The following BMAL1 variants were observed in gnomAD, a reference collection of about 807,000 sequenced individuals.
BMAL1 encodes the protein basic helix-loop-helix ARNT like 1.
the BMAL1 span, among the ~76,000 whole-genome samples, chr11:13,382,564 T>G: frequency 6.6e-6 from 1 of 151,716 alleles, no homozygotes; most frequent in African/African-American, 2.4e-5. Context: ...GCTGTTCTTC[T>G]GTTATACCTC....
the BMAL1 span, chr11:13,378,540 T>C: frequency 6.6e-7 from 1 of 1,523,864 alleles, no homozygotes; most frequent in Non-Finnish European, 8.9e-7. Context: ...TCAGGAGACA[T>C]TTTTGGTCTT....
the BMAL1 span, among the ~76,000 whole-genome samples, chr11:13,386,297 A>G: frequency 6.6e-6 from 1 of 152,122 alleles, no homozygotes; most frequent in Non-Finnish European, 1.5e-5. Context: ...TGACTCAAAT[A>G]TTTTTAACAT....
At chr11:13,358,648 T>C in the BMAL1 span, 2 of 1,447,888 alleles carry the variant, frequency 1.4e-6, no homozygotes, top group Non-Finnish European at 1.8e-6. Flanking sequence ...TTACCACCCT[T>C]GCCTAGAATG....
the BMAL1 span, among the ~76,000 whole-genome samples, chr11:13,332,954 G>A: frequency 6.9e-6 from 1 of 145,602 alleles, no homozygotes; most frequent in South Asian, 2.2e-4. Context: ...ATTAGTCATC[G>A]ATACTGTCTT....
chr11:13,279,094 C>T, the BMAL1 span, among the ~76,000 whole-genome samples: 14 of 152,222 alleles, frequency 9.2e-5, no homozygotes, highest in African/African-American at 3.4e-4. Context: ...TGACCCCTCT[C>T]CCCTCTCCGC....
At chr11:13,299,685 G>A in the BMAL1 span, among the ~76,000 whole-genome samples, 1 of 152,176 alleles carries the variant, frequency 6.6e-6, no homozygotes, top group Non-Finnish European at 1.5e-5. Flanking sequence ...GGACCTGCAC[G>A]TGGCACGCAG....
the BMAL1 span, among the ~76,000 whole-genome samples, chr11:13,382,635 CTTAAG>C: frequency 3.2e-4 from 49 of 152,194 alleles, no homozygotes; most frequent in East Asian, 4.8e-3. Flanking sequence ...GTCTCTGCTT[CTTAAG>C]TTAACTTTTA....
chr11:13,310,261 G>A, the BMAL1 span, among the ~76,000 whole-genome samples: 66,501 of 151,996 alleles, frequency 0.44, 16,810 homozygotes, highest in Non-Finnish European at 0.58. Flanking sequence ...AGAGAGGGAG[G>A]CCAGAGGAGG....
At chr11:13,351,988 C>T in the BMAL1 span, among the ~76,000 whole-genome samples, 3 of 152,244 alleles carry the variant, frequency 2.0e-5, no homozygotes, top group African/African-American at 7.2e-5. Flanking sequence ...CTTGTTTTCA[C>T]CCAAGTGGAA....
At chr11:13,384,885 A>T in the BMAL1 span, among the ~76,000 whole-genome samples, 2 of 152,234 alleles carry the variant, frequency 1.3e-5, no homozygotes, top group African/African-American at 4.8e-5. Context: ...TGATAAATAC[A>T]GCCTACATAA....
chr11:13,358,118 A>G, the BMAL1 span, among the ~76,000 whole-genome samples: 1 of 152,186 alleles, frequency 6.6e-6, no homozygotes. Context: ...CCATTTCAAA[A>G]TCCAATTTGA....
the BMAL1 span, among the ~76,000 whole-genome samples, chr11:13,372,865 A>G: frequency 6.6e-6 from 1 of 152,158 alleles, no homozygotes; most frequent in Admixed American, 6.5e-5. Context: ...ATTCAATAGG[A>G]TATCATCATA....
chr11:13,376,650 C>A, the BMAL1 span: 1 of 1,614,112 alleles, frequency 6.2e-7, no homozygotes, highest in East Asian at 2.2e-5. Context: ...AGCCAACGTC[C>A]TGGAAGGCGG....
the BMAL1 span, among the ~76,000 whole-genome samples, chr11:13,385,224 A>C: frequency 9.9e-5 from 15 of 152,204 alleles, no homozygotes; most frequent in Non-Finnish European, 2.1e-4. Flanking sequence ...TGAAGTTGGC[A>C]CCTGTAGTAT....
At chr11:13,376,822 C>A in the BMAL1 span, 1 of 1,228,060 alleles carries the variant, frequency 8.1e-7, no homozygotes, top group African/African-American at 1.5e-5. Context: ...CCCCTCCATT[C>A]ATATTCTGTG....
chr11:13,374,919 C>G, the BMAL1 span, among the ~76,000 whole-genome samples: 5 of 152,226 alleles, frequency 3.3e-5, no homozygotes, highest in African/African-American at 1.2e-4. Flanking sequence ...GTTTCAGTCC[C>G]CATCCCTGCC....
the BMAL1 span, among the ~76,000 whole-genome samples, chr11:13,282,730 T>G: frequency 6.6e-6 from 1 of 152,350 alleles, no homozygotes; most frequent in South Asian, 2.1e-4. Flanking sequence ...CATTCCATAT[T>G]GTGTTGGGCT....
chr11:13,354,637 G>A, the BMAL1 span: 2 of 691,496 alleles, frequency 2.9e-6, no homozygotes, highest in Non-Finnish European at 4.6e-6. Flanking sequence ...GGAGCCTTCA[G>A]CAGTGCTGAG....
At chr11:13,364,877 G>A in the BMAL1 span, among the ~76,000 whole-genome samples, 2 of 152,148 alleles carry the variant, frequency 1.3e-5, no homozygotes. Flanking sequence ...ACATTTGAGA[G>A]TAGTAGTTCT....
Sources: allele counts gnomAD v4.1 joint callset (sites outside exome capture counted in the v4.1 genomes callset), GRCh38; gene constraint gnomAD v4.1.1; transcripts MANE v1.5; gene names NCBI Gene and HGNC (gene_info 2026-07-23, HGNC 2026-07-21).